Variants in KCNMA1 observed in about 807,000 individuals in gnomAD.
KCNMA1 encodes the protein Calcium-activated potassium channel subunit alpha-1.
In KCNMA1, 29 loss-of-function variants were observed where a neutral mutation model predicts 140.0. The observed-to-expected ratio is 0.21, with a 90% CI of 0.15 to 0.28. The LOEUF is 0.28. KCNMA1 is among the 10% of genes least tolerant of loss of function. KCNMA1 has a pLI of 1.00. For synonymous variants in KCNMA1, 612 were observed against 611.9 expected (o/e 1.00, Z 0.00); for missense variants, 880 against 1,602.2 (o/e 0.55, Z 7.70).
chr10:77,010,266 A>G (rs939036814), intron 18 of KCNMA1, among the ~76,000 whole-genome samples: 12 of 152,034 alleles, frequency 7.9e-5, no homozygotes, highest in African/African-American at 2.9e-4. Flanking sequence ...TCTGATTGAA[A>G]TGATTCAGGA....
chr10:76,984,231 G>A (rs771532290), intron 19 of KCNMA1, among the ~76,000 whole-genome samples: 1 of 150,594 alleles, frequency 6.6e-6, no homozygotes, highest in Non-Finnish European at 1.5e-5. Flanking sequence ...GTCTCGCTCT[G>A]TCACCCAGGC....
intron 23 of KCNMA1, among the ~76,000 whole-genome samples, chr10:76,918,673 C>T (rs539736847): frequency 5.0e-4 from 76 of 152,246 alleles, no homozygotes; most frequent in South Asian, 4.8e-3. Context: ...CTATGGAAAA[C>T]AGTGTGGAGA....
At chr10:77,513,312 G>A (rs1196660104) in intron 1 of KCNMA1, among the ~76,000 whole-genome samples, 1 of 152,124 alleles carries the variant, frequency 6.6e-6, no homozygotes, top group African/African-American at 2.4e-5. Flanking sequence ...TCTTCTCCTC[G>A]GAGAGGCTTT....
At chr10:77,427,177 G>A (rs2097023585) in intron 1 of KCNMA1, among the ~76,000 whole-genome samples, 1 of 152,240 alleles carries the variant, frequency 6.6e-6, no homozygotes, top group Non-Finnish European at 1.5e-5. Context: ...TCCCAGCCCA[G>A]ATGGTCACTT....
At chr10:77,316,745 G>T (rs532360450) in intron 2 of KCNMA1, among the ~76,000 whole-genome samples, 1 of 152,302 alleles carries the variant, frequency 6.6e-6, no homozygotes, top group African/African-American at 2.4e-5. Context: ...TCAAACCAAA[G>T]CACCAAGAGG....
intron 2 of KCNMA1, among the ~76,000 whole-genome samples, chr10:77,252,176 G>A (rs1007598968): frequency 6.6e-6 from 1 of 152,188 alleles, no homozygotes; most frequent in Non-Finnish European, 1.5e-5. Context: ...TCCATAGAAT[G>A]AATATGTAGC....
At chr10:76,884,363 T>C (rs1032566700), downstream of KCNMA1, 1 of 152,222 alleles carries the variant, frequency 6.6e-6, no homozygotes, top group Non-Finnish European at 1.5e-5. Context: ...TAAAGGAGGA[T>C]GAAATATTGA....
rs193112726 is a variant in KCNMA1 at position 77,439,776 on chromosome 10, G to A, written c.379-35753C>T. ...CCTCCTGTGTCTTTTAGCTGCATTC[G>A]TGGGATGGGAGGGTTGTCAGGGAGG... On this transcript the variant is annotated intron_variant, in intron 1 of 27. Coordinates refer to ENST00000286628, the MANE Select transcript of KCNMA1 (RefSeq NM_001161352.2). Among the ~76,000 whole-genome samples the A allele has an allele frequency of 1.3e-4, 20 of 152,260 alleles. 2 individuals carry two copies. In the East Asian group the frequency reaches 3.9e-3, roughly 29 times the overall value.
chr10:77,286,766 CGGGGGGGGG>C (rs59896024), intron 2 of KCNMA1, among the ~76,000 whole-genome samples: 1 of 136,688 alleles, frequency 7.3e-6, no homozygotes. Flanking sequence ...TGTGTGTGTG[CGGGGGGGGG>C]GGGGGGGTTC....
At chr10:76,891,152 C>T (rs529705305) in intron 26 of KCNMA1, among the ~76,000 whole-genome samples, 51 of 152,342 alleles carry the variant, frequency 3.3e-4, no homozygotes, top group African/African-American at 1.1e-3. Context: ...TCACCTGCTG[C>T]TTCTCACCTT....
At chr10:77,423,257 G>T (rs1404203558) in intron 1 of KCNMA1, among the ~76,000 whole-genome samples, 1 of 152,202 alleles carries the variant, frequency 6.6e-6, no homozygotes, top group Non-Finnish European at 1.5e-5. Flanking sequence ...ACTTGGCTTT[G>T]CCCTATCTTG....
intron 19 of KCNMA1, among the ~76,000 whole-genome samples, chr10:76,991,087 G>T (rs571204402): frequency 2.0e-5 from 3 of 152,120 alleles, no homozygotes; most frequent in Non-Finnish European, 4.4e-5. Flanking sequence ...TCTACATTTG[G>T]GCAGGTTGAT....
At chr10:77,094,499 G>A (rs1175940734) in intron 9 of KCNMA1, among the ~76,000 whole-genome samples, 3 of 152,086 alleles carry the variant, frequency 2.0e-5, no homozygotes, top group Non-Finnish European at 4.4e-5. Flanking sequence ...GAACTGGAGT[G>A]GATAAACCAT....
At chr10:77,157,951 C>T (rs2098507434) in intron 5 of KCNMA1, among the ~76,000 whole-genome samples, 1 of 152,164 alleles carries the variant, frequency 6.6e-6, no homozygotes, top group African/African-American at 2.4e-5. Context: ...GCTTCTGGTG[C>T]CCCCATGGGT....
At chr10:77,594,865 A>C (rs555470165) in intron 1 of KCNMA1, among the ~76,000 whole-genome samples, 10 of 152,196 alleles carry the variant, frequency 6.6e-5, no homozygotes, top group Non-Finnish European at 1.0e-4. Flanking sequence ...CCAGCTGAAG[A>C]CCCAGAGGAG....
chr10:77,252,556 T>TGTGTGTGTGTGC (rs1341882275), intron 2 of KCNMA1, among the ~76,000 whole-genome samples: 14 of 149,318 alleles, frequency 9.4e-5, no homozygotes, highest in African/African-American at 3.4e-4. Flanking sequence ...TGTGTGTGTG[T>TGTGTGTGTGTGC]GCGGGCACGT....
intron 9 of KCNMA1, among the ~76,000 whole-genome samples, chr10:77,098,765 CT>C (rs2153819007): frequency 6.6e-6 from 1 of 151,864 alleles, no homozygotes; most frequent in South Asian, 2.1e-4. Flanking sequence ...CCTTTCTTTC[CT>C]TCCTTCCTCT....
chr10:77,227,607 T>C (rs2051945761), intron 3 of KCNMA1, among the ~76,000 whole-genome samples: 1 of 152,246 alleles, frequency 6.6e-6, no homozygotes, highest in South Asian at 2.1e-4. Context: ...GTCCTCAAAC[T>C]GCTTTCATTT....
intron 16 of KCNMA1, among the ~76,000 whole-genome samples, chr10:77,024,647 G>A (rs966178863): frequency 6.6e-6 from 1 of 151,924 alleles, no homozygotes; most frequent in Admixed American, 6.6e-5. Context: ...AAATCACATG[G>A]TGAAAATTGA....
Sources: gnomAD v4.1 joint callset for allele counts (sites outside exome capture counted in the v4.1 genomes callset) on GRCh38, gnomAD v4.1.1 for gene constraint, MANE v1.5 for transcripts, NCBI Gene and HGNC (gene_info 2026-07-23, HGNC 2026-07-21) for gene names.